The following PLPP3 variants were observed in gnomAD, a reference collection of about 807,000 sequenced individuals.
PLPP3 encodes PAP2 beta.
In PLPP3, 6 loss-of-function variants were observed where a neutral mutation model predicts 29.6. The ratio of observed to expected loss-of-function variants is 0.20; its 90% confidence interval spans 0.11 to 0.40. The LOEUF (loss-of-function observed/expected upper bound fraction) is 0.40, where lower values mean the gene tolerates loss of function less well. Among genes scored for constraint, PLPP3 ranks in the 10% least tolerant of loss-of-function variants. The pLI, the probability that PLPP3 is intolerant of heterozygous loss-of-function variation, is 1.00. For missense variants in PLPP3, 308 were observed against 407.7 expected, an observed-to-expected ratio of 0.76 and a Z score of 2.11; for synonymous variants, 152 against 159.7, an observed-to-expected ratio of 0.95 and a Z score of 0.36.
chr1:56,542,516 A>G lies in PLPP3; in HGVS notation c.140-5404T>C, dbSNP rs146070711. ...GAGGGGACTTTTATGTCTTCTACATACCAGGTCCTTCATGTCCTTTTCCAG... is the reference window on the plus strand; with the variant it reads ...GAGGGGACTTTTATGTCTTCTACATGCCAGGTCCTTCATGTCCTTTTCCAG... On this transcript the variant is annotated intron_variant, in intron 1 of 5. Transcript: ENST00000371250. 9.2e-5 allele frequency among the ~76,000 whole-genome samples: 14 copies of G among 152,284 alleles called. No individual in the cohort carries two copies. The East Asian group carries it at 2.3e-3, about 25-fold the overall frequency.
At chr1:56,507,158 T>C (rs547616316) in intron 5 of PLPP3, among the ~76,000 whole-genome samples, 16 of 152,306 alleles carry the variant, frequency 1.1e-4, no homozygotes, top group African/African-American at 3.6e-4. Flanking sequence ...CAGACCCAGG[T>C]AAAAGTTCTC....
At chr1:56,547,544 G>A (rs1468348843) in intron 1 of PLPP3, among the ~76,000 whole-genome samples, 1 of 152,092 alleles carries the variant, frequency 6.6e-6, no homozygotes, top group East Asian at 1.9e-4. Context: ...AGTCTCAGAT[G>A]GGTGGTTAGG....
At position 56,524,825 on chromosome 1, in the gene PLPP3, TG is replaced by T. The variant is rs1645843003; in HGVS notation, c.298-272del. On this transcript the variant is annotated intron_variant, in intron 2 of 5. Transcript: ENST00000371250. This position sits in a 1 kb window ranked among gnomAD's most constrained non-coding sequence, Gnocchi z 4.3. The stretch of plus-strand genomic sequence containing the variant: ...ATGTGTATGTGTGTGTGTGTGTGTG[TG>T]TGTGTGTATCTTTTTTTTTAAGGGA... Among the ~76,000 whole-genome samples the T allele has an allele frequency of 6.6e-6, 1 of 152,048 alleles. No homozygotes were observed. Among genetic ancestry groups the T allele is most frequent in the Admixed American group, 6.6e-5 (1 of 15,254 alleles).
intron 5 of PLPP3, among the ~76,000 whole-genome samples, chr1:56,509,985 A>G (rs1053736303): frequency 6.6e-6 from 1 of 152,118 alleles, no homozygotes; most frequent in Non-Finnish European, 1.5e-5. Flanking sequence ...CCTTCATTTC[A>G]CTTCTTGGAA....
At chr1:56,501,085 T>C (rs1645665317) in intron 5 of PLPP3, among the ~76,000 whole-genome samples, 1 of 149,334 alleles carries the variant, frequency 6.7e-6, no homozygotes, top group Admixed American at 6.7e-5. Context: ...GCAGTGAGCC[T>C]GGAGGCAGGG....
intron 5 of PLPP3, among the ~76,000 whole-genome samples, chr1:56,509,936 G>A (rs890318255): frequency 6.6e-6 from 1 of 151,858 alleles, no homozygotes; most frequent in African/African-American, 2.4e-5. Flanking sequence ...CCTATACTGT[G>A]CTACAGTCAG....
At chr1:56,557,074 GAAAAAATGAGAGAGAGAGAAA>G (rs1646088708) in intron 1 of PLPP3, among the ~76,000 whole-genome samples, 1 of 132,818 alleles carries the variant, frequency 7.5e-6, no homozygotes. Flanking sequence ...AAGAAAGAAA[GAAAAAATGAGAGAGAGAGAAA>G]GAGGCTGGGT....
At chr1:56,505,376 A>G (rs1569863690) in intron 5 of PLPP3, among the ~76,000 whole-genome samples, 1 of 152,314 alleles carries the variant, frequency 6.6e-6, no homozygotes, top group Non-Finnish European at 1.5e-5. Flanking sequence ...TCCTCTCTGA[A>G]CCTCTGCTTC....
chr1:56,512,844 C>G (rs1645752677), intron 4 of PLPP3: 1 of 152,014 alleles, frequency 6.6e-6, no homozygotes, highest in African/African-American at 2.4e-5. Context: ...GAGCAGTAAC[C>G]AGGGCTTGTA....
chr1:56,547,556 C>T (rs139611720), intron 1 of PLPP3, among the ~76,000 whole-genome samples: 3 of 152,072 alleles, frequency 2.0e-5, no homozygotes, highest in Non-Finnish European at 2.9e-5. Flanking sequence ...GTGGTTAGGC[C>T]GGATGGCTAA....
chr1:56,499,124 A>C (rs149105724), intron 5 of PLPP3, among the ~76,000 whole-genome samples: 1 of 134,326 alleles, frequency 7.4e-6, no homozygotes. Flanking sequence ...CTACCACCTC[A>C]ATCTACTGGC....
chr1:56,546,144 A>G (rs762889811), intron 1 of PLPP3, among the ~76,000 whole-genome samples: 4 of 152,234 alleles, frequency 2.6e-5, no homozygotes, highest in Admixed American at 6.5e-5. Flanking sequence ...AACCAGCTCT[A>G]AAGTGTGTGG....
chr1:56,541,966 C>CA (rs71813861), intron 1 of PLPP3, among the ~76,000 whole-genome samples: 102 of 126,596 alleles, frequency 8.1e-4, no homozygotes, highest in Middle Eastern at 4.5e-3. Flanking sequence ...AAAGCATGAC[C>CA]AAAAAAAAAA....
Position 56,579,366 on chromosome 1 carries a change from C to T in PLPP3, c.-350G>A. The T allele has an allele frequency of 3.7e-6, 1 of 270,236 alleles. No homozygotes were observed. The highest frequency in any genetic ancestry group is 7.0e-6 in the Non-Finnish European group (1 of 142,644). The allele number at this position is 270,236 out of a possible 1,614,324, so 16.7% of individuals were successfully genotyped here. A position where few individuals can be genotyped will look rare whatever the true frequency, so the allele number is the denominator to read the frequency against. ...AGTGCGCGAGCGAGCGAGTGGGCAG[C>T]GCGGGCGCTCGGCCACCTTCCTCCG... On this transcript the variant is annotated 5_prime_UTR_variant, in exon 1 of 6. Transcript: ENST00000371250.
At chr1:56,569,113 A>G (rs997583214) in intron 1 of PLPP3, among the ~76,000 whole-genome samples, 1 of 152,140 alleles carries the variant, frequency 6.6e-6, no homozygotes, top group African/African-American at 2.4e-5. Context: ...GAATATGTTC[A>G]TTCCAAAGGT....
At chr1:56,538,295 C>A (rs1206132364) in intron 1 of PLPP3, among the ~76,000 whole-genome samples, 1 of 152,166 alleles carries the variant, frequency 6.6e-6, no homozygotes. Flanking sequence ...GACCAAAATA[C>A]CTCTTCCTCC....
At chr1:56,556,956 A>T (rs1367908313) in intron 1 of PLPP3, among the ~76,000 whole-genome samples, 112 of 3,464 alleles carry the variant, frequency 0.032, 2 homozygotes, top group African/African-American at 0.059. Flanking sequence ...GACAGAGAGA[A>T]AGAAAGAAAG....
At position 56,578,928 on chromosome 1, in the gene PLPP3, C is replaced by T. The variant is rs1184957085; in HGVS notation, c.89G>A (p.Gly30Asp). The change falls in exon 1 of 6, where the codon GGC becomes GAC. Residue 30 changes from glycine (G) to aspartate (D), a missense_variant. Physicochemically the swap from Gly to Asp is moderately conservative, Grantham distance 94. This residue lies in a region of PLPP3 where 67 missense variants were observed against 61.3 expected (regional missense o/e 1.09). Transcript: ENST00000371250. The part of the protein sequence containing the change: ...PALNNNPRRS[G>D]SKRVLLICLD... ...GCAGATGAGCAGCACCCGCTTGCTG[C>T]CGCTCCTCCTCGGGTTGTTGTTGAG... is the stretch of plus-strand genomic sequence containing the variant. The T allele has an allele frequency of 3.1e-6, 5 of 1,605,494 alleles. No homozygotes were observed. The highest frequency in any genetic ancestry group is 1.7e-5 in the Admixed American group (1 of 59,610).
intron 1 of PLPP3, among the ~76,000 whole-genome samples, chr1:56,577,272 CATGATA>C (rs1260433479): frequency 6.6e-6 from 1 of 152,170 alleles, no homozygotes; most frequent in Non-Finnish European, 1.5e-5. Context: ...TCCCACTGTG[CATGATA>C]ATGAGCCAGC....
Sources: allele counts gnomAD v4.1 joint callset (sites outside exome capture counted in the v4.1 genomes callset), GRCh38; gene constraint gnomAD v4.1.1; regional missense constraint gnomAD v4.1.1; non-coding constraint Gnocchi (gnomAD v3.1); transcripts MANE v1.5; gene names NCBI Gene and HGNC (gene_info 2026-07-23, HGNC 2026-07-21).